Variants in SLC43A2 observed in about 807,000 individuals in gnomAD.
SLC43A2 encodes solute carrier family 43 member 2.
A neutral mutation model predicts 63.2 loss-of-function variants in SLC43A2; 38 were observed. The observed-to-expected ratio is 0.60, with a 90% CI of 0.46 to 0.79. SLC43A2 has a LOEUF of 0.79. SLC43A2 is among the 30% of genes least tolerant of loss of function. SLC43A2 has a pLI of 0.00. For missense variants in SLC43A2, 644 were observed against 756.2 expected (o/e 0.85, Z 1.74); for synonymous variants, 322 against 331.0 (o/e 0.97, Z 0.30).
At position 1,585,897 on chromosome 17, in the gene SLC43A2, G is replaced by A. The variant is rs760427937; in HGVS notation, c.1217+16C>T. 26 of 1,613,376 alleles carry A rather than the reference G, an allele frequency of 1.6e-5. No individual in the cohort carries two copies. The highest frequency in any genetic ancestry group is 5.0e-5 in the Admixed American group (3 of 60,000). On this transcript the variant is annotated intron_variant, in intron 10 of 13. Coordinates refer to ENST00000301335, the MANE Select transcript of SLC43A2 (RefSeq NM_152346.3). ...GCTGCGGGCTGGGAGCCGGGGCACC[G>A]GCCCTGCCTACGCACTGGTTGGCGT... is the stretch of plus-strand genomic sequence containing the variant.
chr17:1,604,954 G>A (rs1488593013), intron 5 of SLC43A2: 1 of 1,499,138 alleles, frequency 6.7e-7, no homozygotes, highest in Non-Finnish European at 8.9e-7. Flanking sequence ...TGAGGGCTGA[G>A]CGCTGAGCAG....
chr17:1,597,874 G>A (rs1195303053), intron 5 of SLC43A2, among the ~76,000 whole-genome samples: 1 of 152,228 alleles, frequency 6.6e-6, no homozygotes, highest in African/African-American at 2.4e-5. Flanking sequence ...GAAATGTGAT[G>A]TGCTCACACG....
chr17:1,628,497 G>A (rs1418910897), intron 1 of SLC43A2, among the ~76,000 whole-genome samples: 15 of 151,860 alleles, frequency 9.9e-5, no homozygotes, highest in Non-Finnish European at 2.2e-4. Context: ...TAGGTCGCTA[G>A]GCGCTGCGGC....
At chr17:1,620,969 C>A (rs576625218) in intron 2 of SLC43A2, among the ~76,000 whole-genome samples, 1 of 152,240 alleles carries the variant, frequency 6.6e-6, no homozygotes, top group South Asian at 2.1e-4. Context: ...CTCACCTGCA[C>A]CTGTTTATTA....
chr17:1,582,166 G>A lies in SLC43A2; in HGVS notation c.1350+1038C>T, dbSNP rs966017446. On this transcript the variant is annotated intron_variant, in intron 11 of 13. Transcript: ENST00000301335. ...GCGATCTCAGTTCACTGCAACCTCC[G>A]CCTCCCAGGTTCAAATGATTCTCCT... is the stretch of plus-strand genomic sequence containing the variant. Among the ~76,000 whole-genome samples the A allele has an allele frequency of 1.3e-4, 20 of 151,134 alleles. No homozygotes were observed. In the Middle Eastern group the frequency reaches 9.5e-3, roughly 72 times the overall value.
intron 2 of SLC43A2, among the ~76,000 whole-genome samples, chr17:1,623,275 G>A (rs1009587882): frequency 2.6e-5 from 4 of 152,184 alleles, no homozygotes; most frequent in Non-Finnish European, 5.9e-5. Flanking sequence ...GAGCTCGCAG[G>A]GACCTCTGTG....
At position 1,611,268 on chromosome 17, in the gene SLC43A2, C is replaced by T. The variant is rs1041320467; in HGVS notation, c.501+1927G>A. ...CTTTATCCCTGAAATTCAGGCCTGC[C>T]GTGACAGAGGCGTCGCGTGACTAAA... is the stretch of plus-strand genomic sequence containing the variant. On this transcript the variant is annotated intron_variant, in intron 5 of 13. Coordinates refer to ENST00000301335, the MANE Select transcript of SLC43A2 (RefSeq NM_152346.3). Among the ~76,000 whole-genome samples the T allele has an allele frequency of 9.9e-5, 15 of 152,272 alleles. No homozygotes were observed. In the East Asian group the frequency reaches 1.9e-3, roughly 20 times the overall value.
intron 3 of SLC43A2, among the ~76,000 whole-genome samples, chr17:1,615,902 G>A (rs887597529): frequency 6.7e-6 from 1 of 148,958 alleles, no homozygotes; most frequent in Non-Finnish European, 1.5e-5. Flanking sequence ...AATTAGCTGG[G>A]TGTGGTGGCA....
chr17:1,604,842 G>A (rs1230352595), intron 5 of SLC43A2: 2 of 1,535,596 alleles, frequency 1.3e-6, no homozygotes, highest in Admixed American at 3.9e-5. Context: ...TGACATCTGG[G>A]TCACTCCCCA....
rs982900674 is a variant in SLC43A2, at chr17:1,605,108, G to A, written c.501+8087C>T. The A allele has an allele frequency of 1.4e-5, 18 of 1,327,572 alleles. No individual in the cohort carries two copies. The highest frequency in any genetic ancestry group is 1.3e-4 in the South Asian group (8 of 60,084). 82.2% of individuals were successfully genotyped at this position (1,327,572 alleles called of 1,614,324 possible). On this transcript the variant is annotated intron_variant, in intron 5 of 13. Coordinates refer to ENST00000301335, the MANE Select transcript of SLC43A2 (RefSeq NM_152346.3). The surrounding 1 kb of genome is among the most constrained non-coding windows in gnomAD (Gnocchi z 4.9). ...GGTGGGAGTGCAAGCCCCTCTTCCCGCCCTCAGGTGCTTCCCACAGCCCCC... is the reference window on the plus strand; with the variant it reads ...GGTGGGAGTGCAAGCCCCTCTTCCCACCCTCAGGTGCTTCCCACAGCCCCC...
intron 11 of SLC43A2, among the ~76,000 whole-genome samples, chr17:1,579,151 T>A (rs9709029): frequency 0.47 from 61,842 of 132,178 alleles, 14,986 homozygotes; most frequent in East Asian, 0.86. Flanking sequence ...AAAAAAAAAA[T>A]AATAATAATA....
rs773636808 is a variant in SLC43A2, at chr17:1,606,683, C to T, written c.501+6512G>A. Among the ~76,000 whole-genome samples the T allele has an allele frequency of 3.3e-5, 5 of 152,220 alleles. No homozygotes were observed. Among genetic ancestry groups the T allele is most frequent in the Non-Finnish European group, 2.9e-5 (2 of 68,042 alleles). ...GCGAGTGCAAAGGGCTGTACAAACGCGAGGCACTGAACAAACACTGAGCGT... is the reference window on the plus strand; with the variant it reads ...GCGAGTGCAAAGGGCTGTACAAACGTGAGGCACTGAACAAACACTGAGCGT... On this transcript the variant is annotated intron_variant, in intron 5 of 13. Transcript: ENST00000301335. The surrounding 1 kb of genome is among the most constrained non-coding windows in gnomAD (Gnocchi z 4.7).
chr17:1,591,724 TG>T lies in SLC43A2; in HGVS notation c.595-26del, dbSNP rs552449883. The T allele has an allele frequency of 2.4e-3, 517 of 218,856 alleles. 1 individual carries two copies. Among genetic ancestry groups the T allele is most frequent in the African/African-American group, 3.2e-3 (86 of 26,570 alleles). The allele number at this position is 218,856 out of a possible 1,614,324, so 13.6% of individuals were successfully genotyped here. ...GCTGACAGGCACCGCGGGGACGGGG[TG>T]GGGGGGGGAGGGGGCAGAGTTAGCC... is the stretch of plus-strand genomic sequence containing the variant. On this transcript the variant is annotated intron_variant, in intron 6 of 13. Coordinates refer to ENST00000301335, the MANE Select transcript of SLC43A2 (RefSeq NM_152346.3).
upstream of SLC43A2, among the ~76,000 whole-genome samples, chr17:1,629,492 G>C (rs1281558429): frequency 6.6e-6 from 1 of 152,192 alleles, no homozygotes; most frequent in African/African-American, 2.4e-5. Context: ...CCCTCTCCCC[G>C]GTGGCGTCTG....
At position 1,616,633 on chromosome 17, in the gene SLC43A2, G is replaced by C; in HGVS notation, c.297C>G (p.Leu99=). The C allele has an allele frequency of 6.2e-7, 1 of 1,614,150 alleles. No individual in the cohort carries two copies. Among genetic ancestry groups the C allele is most frequent in the Non-Finnish European group, 8.5e-7 (1 of 1,180,016 alleles). The change falls in exon 3 of 14, where the codon CTC becomes CTG. Residue 99 remains leucine (L), a synonymous_variant. Transcript: ENST00000301335. ...TACCCAGGGGCAGGGTGATGGCACT[G>C]AGCAGAAAGGAGCCCACAGTGAAGG... is the stretch of plus-strand genomic sequence containing the variant. ...NLAFTVGSFL[L]SAITLPLGIV...
intron 2 of SLC43A2, among the ~76,000 whole-genome samples, chr17:1,622,100 G>A (rs9896599): frequency 0.025 from 3,839 of 152,270 alleles, 147 homozygotes; most frequent in African/African-American, 0.079. Context: ...AGGCTGGGGC[G>A]GTGGGAAGAG....
intron 5 of SLC43A2, among the ~76,000 whole-genome samples, chr17:1,601,831 A>G (rs1053785247): frequency 2.6e-4 from 35 of 136,056 alleles, no homozygotes; most frequent in African/African-American, 8.3e-4. Context: ...ATGCAAAGCC[A>G]CTATTGAGCC....
intron 7 of SLC43A2, 41 bp from the exon 8 acceptor site, chr17:1,591,512 C>G (rs758070149): frequency 1.2e-6 from 2 of 1,611,242 alleles, no homozygotes. Context: ...TGCCCGGGAC[C>G]CCGGCTGGGG....
At chr17:1,592,457 G>A (rs922699365) in intron 6 of SLC43A2, among the ~76,000 whole-genome samples, 9 of 152,100 alleles carry the variant, frequency 5.9e-5, no homozygotes, top group African/African-American at 1.9e-4. Flanking sequence ...AAGAACTTTC[G>A]GGATGCTCCC....
Sources: gnomAD v4.1 joint callset for allele counts (sites outside exome capture counted in the v4.1 genomes callset) on GRCh38, gnomAD v4.1.1 for gene constraint, Gnocchi (gnomAD v3.1) non-coding constraint, MANE v1.5 for transcripts, NCBI Gene and HGNC (gene_info 2026-07-23, HGNC 2026-07-21) for gene names.